The following RP1 variants were observed in gnomAD, a reference collection of about 807,000 sequenced individuals.
The protein encoded by RP1 is RP1 axonemal microtubule associated.
Under a neutral mutation model 14.8 loss-of-function variants are expected in RP1, and 16 were observed. The ratio of observed to expected loss-of-function variants is 1.08; its 90% CI spans 0.73 to 1.65. The LOEUF (loss-of-function observed/expected upper bound fraction) is 1.65. Ranked by LOEUF, RP1 falls within the 40% of genes most tolerant of loss-of-function variation. The pLI, the probability that RP1 is intolerant of heterozygous loss-of-function variation, is 0.00. For synonymous variants in RP1, 876 were observed against 883.6 expected (o/e 0.99, Z 0.15); for missense variants, 2,631 against 2,535.0 (o/e 1.04, Z -0.81).
intron 1 of RP1, among the ~76,000 whole-genome samples, chr8:54,588,411 A>C (rs1804978610): frequency 6.6e-6 from 1 of 152,200 alleles, no homozygotes; most frequent in Non-Finnish European, 1.5e-5. Flanking sequence ...GAGGGACCCA[A>C]GGTCTGACTG....
intron 15 of RP1, among the ~76,000 whole-genome samples, chr8:54,715,188 A>G (rs1003660660): frequency 6.6e-6 from 1 of 152,328 alleles, no homozygotes; most frequent in African/African-American, 2.4e-5. Context: ...ATAGAGGGAA[A>G]TGGGCATTAG....
intron 27 of RP1, among the ~76,000 whole-genome samples, chr8:54,864,652 C>T (rs776014592): frequency 2.0e-5 from 3 of 152,156 alleles, no homozygotes; most frequent in Non-Finnish European, 4.4e-5. Context: ...GCAGCGCTGC[C>T]TGTATCAAGT....
At chr8:54,673,462 G>A (rs951499228) in intron 7 of RP1, among the ~76,000 whole-genome samples, 1 of 152,156 alleles carries the variant, frequency 6.6e-6, no homozygotes, top group African/African-American at 2.4e-5. Context: ...TTTACTGGCT[G>A]GGTGCCGTGG....
intron 1 of RP1, among the ~76,000 whole-genome samples, chr8:54,607,431 G>A (rs1037139449): frequency 6.6e-6 from 1 of 152,198 alleles, no homozygotes; most frequent in Non-Finnish European, 1.5e-5. Context: ...GTACCCAGCT[G>A]TGTGAGGTGT....
intron 3 of RP1, among the ~76,000 whole-genome samples, chr8:54,643,285 C>T (rs376055): frequency 1.3e-5 from 2 of 151,988 alleles, no homozygotes; most frequent in Non-Finnish European, 2.9e-5. Context: ...TTGTGTTCAC[C>T]TGTATAATTA....
chr8:54,623,001 T>C (rs1805923775), intron 3 of RP1, among the ~76,000 whole-genome samples: 1 of 152,228 alleles, frequency 6.6e-6, no homozygotes, highest in Non-Finnish European at 1.5e-5. Flanking sequence ...GAGTACTGAT[T>C]GTTTTTTATA....
At chr8:54,812,794 T>TATCTATCTATC (rs1554535907) in intron 24 of RP1, among the ~76,000 whole-genome samples, 48 of 150,742 alleles carry the variant, frequency 3.2e-4, no homozygotes, top group Non-Finnish European at 5.2e-4. Flanking sequence ...TCTATCTATC[T>TATCTATCTATC]ATCTATCTAT....
At chr8:54,792,537 A>G (rs1810490227) in intron 24 of RP1, among the ~76,000 whole-genome samples, 1 of 151,894 alleles carries the variant, frequency 6.6e-6, no homozygotes, top group South Asian at 2.1e-4. Flanking sequence ...ATGAAACTCA[A>G]CGTAAATGAC....
intron 6 of RP1, among the ~76,000 whole-genome samples, chr8:54,657,420 T>C (rs1478443197): frequency 2.0e-5 from 3 of 152,222 alleles, no homozygotes; most frequent in Non-Finnish European, 4.4e-5. Flanking sequence ...TTCTTTTCAG[T>C]TTCAGGACAT....
intron 3 of RP1, among the ~76,000 whole-genome samples, chr8:54,641,934 A>G (rs1806461537): frequency 6.6e-6 from 1 of 152,186 alleles, no homozygotes; most frequent in Non-Finnish European, 1.5e-5. Flanking sequence ...CTGAAGATCT[A>G]CTACCCTCCT....
At chr8:54,572,908 A>G (rs544951058) in intron 1 of RP1, among the ~76,000 whole-genome samples, 1 of 152,328 alleles carries the variant, frequency 6.6e-6, no homozygotes, top group East Asian at 1.9e-4. Context: ...TATTTCTGTA[A>G]GTGTCTAATA....
rs777410332 is a variant in RP1, at chr8:54,624,985, G to A, written c.1103G>A (p.Ser368Asn). The A allele has an allele frequency of 1.2e-6, 2 of 1,614,146 alleles. No homozygotes were observed. Among genetic ancestry groups the A allele is most frequent in the Non-Finnish European group, 1.7e-6 (2 of 1,180,024 alleles). ...AATAATGATGAAAAGAGTGAGATGA[G>A]TTTTCCAGGAAGAACAGAAAGTCGA... ...PSNNDEKSEM[S>N]FPGRTESRSS... Residue 368 changes from serine to asparagine, a missense_variant, in exon 4 of 4, where the codon AGT (serine) becomes AAT (asparagine). By Grantham distance (46) the Ser-to-Asn change is conservative. Coordinates refer to ENST00000220676, the MANE Select transcript of RP1 (RefSeq NM_006269.2).
chr8:54,757,918 A>G (rs1809548873), intron 21 of RP1, among the ~76,000 whole-genome samples: 1 of 152,326 alleles, frequency 6.6e-6, no homozygotes, highest in Non-Finnish European at 1.5e-5. Flanking sequence ...TCATTACTGG[A>G]CTAGTAATGG....
chr8:54,849,712 A>G (rs1812013605), intron 25 of RP1, among the ~76,000 whole-genome samples: 1 of 152,218 alleles, frequency 6.6e-6, no homozygotes, highest in Non-Finnish European at 1.5e-5. Flanking sequence ...ATAAGATCAT[A>G]TAAATCTTAT....
intron 1 of RP1, among the ~76,000 whole-genome samples, chr8:54,599,469 T>A (rs879553330): frequency 1.3e-5 from 2 of 152,082 alleles, no homozygotes; most frequent in Non-Finnish European, 2.9e-5. Context: ...AGTCTTTTTT[T>A]TTTTTTTGAG....
intron 24 of RP1, among the ~76,000 whole-genome samples, chr8:54,797,873 C>CTTTTTTTTTTTTTTTTTTTTTTTTTTTT (rs71254593): frequency 8.9e-6 from 1 of 112,298 alleles, no homozygotes; most frequent in African/African-American, 3.7e-5. Context: ...GTTTCCCAAC[C>CTTTTTTTTTTTTTTTTTTTTTTTTTTTT]TTTTTTTTTT....
intron 3 of RP1, among the ~76,000 whole-genome samples, chr8:54,639,577 T>C (rs62514618): frequency 0.3 from 45,855 of 152,084 alleles, 8,410 homozygotes; most frequent in Middle Eastern, 0.46. Context: ...TTGCACTTGC[T>C]ATTATTAGAC....
Position 54,622,185 on chromosome 8 carries a change from AC to A in RP1, c.686del (p.Pro229GlnfsTer35). On this transcript the variant is annotated frameshift_variant, in exon 3 of 4. Transcript: ENST00000220676. LOFTEE classifies it high-confidence loss of function. ...TGGCGGCAGGAAGGGAGCCATTTAA[AC>A]CAGGAAATTATGACATCCAAAAATA... Reference protein sequence around the residue: ...VVAAGREPFKPGNYDIQKYLL... With the variant: ...VVAAGREPFKXGNYDIQKYLL... The A allele has an allele frequency of 6.2e-6, 10 of 1,614,200 alleles. No individual in the cohort carries two copies. Among genetic ancestry groups the A allele is most frequent in the Non-Finnish European group, 7.6e-6 (9 of 1,180,024 alleles).
At chr8:54,758,980 G>C in exon 22 of RP1, 1 of 1,535,852 alleles carries the variant, frequency 6.5e-7, no homozygotes, top group Non-Finnish European at 8.7e-7. Context: ...GTGCTGTTGC[G>C]CTGTGAGGCC....
Sources: allele counts gnomAD v4.1 joint callset (sites outside exome capture counted in the v4.1 genomes callset), GRCh38; gene constraint gnomAD v4.1.1; transcripts MANE v1.5; gene names NCBI Gene and HGNC (gene_info 2026-07-23, HGNC 2026-07-21).